The following ZNF385C variants were observed in gnomAD, a reference collection of about 807,000 sequenced individuals.
The protein encoded by ZNF385C is CTD-2132N18.2.
ZNF385C carries 28 observed loss-of-function variants against 35.4 expected under a neutral mutation model. The observed-to-expected ratio is 0.79, with a 90% CI of 0.59 to 1.08. ZNF385C has a LOEUF of 1.08. ZNF385C is among the 50% of genes least tolerant of loss of function. The pLI is 0.00. For synonymous variants in ZNF385C, 248 were observed against 248.2 expected (o/e 1.00, Z 0.01); for missense variants, 605 against 595.6 (o/e 1.02, Z -0.16).
chr17:42,048,362 G>A (rs1274262986), intron 2 of ZNF385C, among the ~76,000 whole-genome samples: 2 of 132,312 alleles, frequency 1.5e-5, no homozygotes, highest in Admixed American at 8.4e-5. Context: ...AACATAGGGA[G>A]AACCTGTCTT....
chr17:42,060,926 G>T (rs1158550987), intron 2 of ZNF385C, among the ~76,000 whole-genome samples: 1 of 152,010 alleles, frequency 6.6e-6, no homozygotes, highest in East Asian at 1.9e-4. Flanking sequence ...TGTTGCCCAG[G>T]CTGGTCTCGA....
At chr17:42,054,905 C>A (rs2053348785) in intron 2 of ZNF385C, among the ~76,000 whole-genome samples, 1 of 152,038 alleles carries the variant, frequency 6.6e-6, no homozygotes, top group South Asian at 2.1e-4. Flanking sequence ...CTCCTGACAC[C>A]CCTCCCATGC....
intron 1 of ZNF385C, among the ~76,000 whole-genome samples, chr17:42,086,736 TACAG>T (rs1161264218): frequency 7.0e-6 from 1 of 143,844 alleles, no homozygotes; most frequent in African/African-American, 2.6e-5. Flanking sequence ...TAAATATAAA[TACAG>T]AAAGAAAAAA....
At chr17:42,071,813 C>T (rs1463107371) in intron 1 of ZNF385C, among the ~76,000 whole-genome samples, 1 of 152,158 alleles carries the variant, frequency 6.6e-6, no homozygotes, top group African/African-American at 2.4e-5. Context: ...TCCCATAGGA[C>T]CCAGAAGGGG....
intron 1 of ZNF385C, among the ~76,000 whole-genome samples, chr17:42,071,500 C>T (rs1434719031): frequency 1.3e-5 from 2 of 152,172 alleles, no homozygotes; most frequent in East Asian, 3.9e-4. Context: ...CACTGACACT[C>T]CCCCAAAGAC....
At chr17:42,091,419 C>T (rs1338690017) in intron 1 of ZNF385C, among the ~76,000 whole-genome samples, 1 of 152,128 alleles carries the variant, frequency 6.6e-6, no homozygotes, top group Non-Finnish European at 1.5e-5. Context: ...GTACTCCAGC[C>T]TGGGTGGCAG....
At chr17:42,051,071 C>T (rs1195585761) in intron 2 of ZNF385C, among the ~76,000 whole-genome samples, 1 of 152,026 alleles carries the variant, frequency 6.6e-6, no homozygotes, top group Admixed American at 6.6e-5. Flanking sequence ...GAAGGGCACT[C>T]CAGGCCGTGG....
At chr17:42,067,227 C>T (rs1007522902) in intron 1 of ZNF385C, among the ~76,000 whole-genome samples, 8 of 152,170 alleles carry the variant, frequency 5.3e-5, no homozygotes, top group Admixed American at 6.5e-5. Context: ...TGAGCCACTG[C>T]GCCCAGCCTT....
chr17:42,077,415 A>T (rs1237265757), intron 1 of ZNF385C, among the ~76,000 whole-genome samples: 1 of 152,094 alleles, frequency 6.6e-6, no homozygotes, highest in Non-Finnish European at 1.5e-5. Context: ...AGGCTCAGAG[A>T]GGTGAAGGAA....
chr17:42,044,307 CAAAAAAAA>C (rs57246793), intron 2 of ZNF385C, among the ~76,000 whole-genome samples: 2 of 70,546 alleles, frequency 2.8e-5, no homozygotes, highest in Admixed American at 3.2e-4. Flanking sequence ...GACCCTGTCT[CAAAAAAAA>C]AAAAAAAAAA....
chr17:42,028,350 G>A (rs1301148916), intron 6 of ZNF385C, 104 bp from the exon 7 acceptor site: 11 of 1,200,502 alleles, frequency 9.2e-6, no homozygotes, highest in South Asian at 6.1e-5. Flanking sequence ...TAAGCCTCAC[G>A]GCTGCTCTGT....
chr17:42,090,107 T>C (rs1555660397), intron 1 of ZNF385C, among the ~76,000 whole-genome samples: 1 of 152,024 alleles, frequency 6.6e-6, no homozygotes, highest in East Asian at 1.9e-4. Context: ...GAGTTTCCCC[T>C]CACTTGGGAG....
intron 2 of ZNF385C, chr17:42,039,625 G>A (rs1250354737): frequency 2.0e-5 from 23 of 1,178,416 alleles, no homozygotes; most frequent in Non-Finnish European, 2.2e-5. Context: ...ATCATCTTGG[G>A]TGCAGCATGG....
chr17:42,040,620 C>T, intron 2 of ZNF385C: 1 of 1,232,228 alleles, frequency 8.1e-7, no homozygotes, highest in Non-Finnish European at 1.0e-6. Flanking sequence ...GGGTGGGCAC[C>T]AGGCCAGGCC....
intron 1 of ZNF385C, among the ~76,000 whole-genome samples, chr17:42,074,807 C>G (rs2053667434): frequency 6.6e-6 from 1 of 152,266 alleles, no homozygotes; most frequent in South Asian, 2.1e-4. Context: ...TGATCTCCAT[C>G]ACAGTCCACA....
intron 7 of ZNF385C, 101 bp downstream of exon 7, chr17:42,027,949 G>C (rs1478832115): frequency 7.6e-6 from 11 of 1,450,146 alleles, no homozygotes; most frequent in Non-Finnish European, 1.0e-5. Flanking sequence ...AGCCTGCTCT[G>C]CTGTGCCCTG....
intron 1 of ZNF385C, among the ~76,000 whole-genome samples, chr17:42,081,700 T>G (rs1555659719): frequency 2.0e-5 from 3 of 151,908 alleles, no homozygotes; most frequent in African/African-American, 7.3e-5. Flanking sequence ...CTGATAGGCT[T>G]GGTCTGGGTG....
At chr17:42,077,071 G>T (rs1409478337) in intron 1 of ZNF385C, among the ~76,000 whole-genome samples, 1 of 152,088 alleles carries the variant, frequency 6.6e-6, no homozygotes, top group Non-Finnish European at 1.5e-5. Flanking sequence ...CCTCTGTTTT[G>T]TCTGTGGATG....
intron 1 of ZNF385C, among the ~76,000 whole-genome samples, chr17:42,092,417 A>G (rs948833243): frequency 2.3e-4 from 35 of 152,012 alleles, no homozygotes; most frequent in Non-Finnish European, 4.6e-4. Context: ...AAAAAAAAAG[A>G]ATTTTGATCT....
Sources: gnomAD v4.1 joint callset for allele counts (sites outside exome capture counted in the v4.1 genomes callset) on GRCh38, gnomAD v4.1.1 for gene constraint, MANE v1.5 for transcripts, NCBI Gene and HGNC (gene_info 2026-07-23, HGNC 2026-07-21) for gene names.